Variants in ABTB3 observed in about 807,000 individuals in gnomAD.
ABTB3 encodes the protein ankyrin repeat- and BTB/POZ domain-containing protein 3.
the ABTB3 span, among the ~76,000 whole-genome samples, chr12:107,606,936 G>T: frequency 6.6e-6 from 1 of 152,102 alleles, no homozygotes. Context: ...ACTCTGGCCC[G>T]CCTCCCTCTG....
the ABTB3 span, among the ~76,000 whole-genome samples, chr12:107,434,879 AAAC>A: frequency 3.9e-4 from 60 of 152,050 alleles, no homozygotes; most frequent in Non-Finnish European, 7.5e-4. Context: ...GAAAAAAAAA[AAAC>A]AACAACAACA....
At chr12:107,598,503 T>A in the ABTB3 span, among the ~76,000 whole-genome samples, 1 of 152,246 alleles carries the variant, frequency 6.6e-6, no homozygotes, top group Admixed American at 6.5e-5. Context: ...CAGGTGATTC[T>A]ATATTACTAT....
the ABTB3 span, among the ~76,000 whole-genome samples, chr12:107,441,421 C>T: frequency 2.6e-5 from 4 of 151,948 alleles, no homozygotes; most frequent in East Asian, 1.9e-4. Context: ...GAGAACACAT[C>T]GACACAAGGA....
At chr12:107,643,770 T>TTTTTTG in the ABTB3 span, among the ~76,000 whole-genome samples, 12 of 140,294 alleles carry the variant, frequency 8.6e-5, 2 homozygotes, top group African/African-American at 3.0e-4. Context: ...TTTTTTTTTT[T>TTTTTTG]GTTGAGAGAG....
At chr12:107,482,803 C>A in the ABTB3 span, among the ~76,000 whole-genome samples, 1 of 150,520 alleles carries the variant, frequency 6.6e-6, no homozygotes, top group Non-Finnish European at 1.5e-5. Context: ...CCTTCTCTCT[C>A]TTTTTTTTTC....
At chr12:107,347,651 G>A in the ABTB3 span, among the ~76,000 whole-genome samples, 3 of 152,134 alleles carry the variant, frequency 2.0e-5, no homozygotes, top group Non-Finnish European at 2.9e-5. Context: ...AGAGTCAGGA[G>A]TTAGAAACTC....
chr12:107,613,499 T>C, the ABTB3 span, among the ~76,000 whole-genome samples: 1 of 152,168 alleles, frequency 6.6e-6, no homozygotes, highest in Admixed American at 6.5e-5. Context: ...GTTCAAGTTC[T>C]GATACCACCG....
chr12:107,444,920 G>T, the ABTB3 span, among the ~76,000 whole-genome samples: 1 of 152,144 alleles, frequency 6.6e-6, no homozygotes, highest in Non-Finnish European at 1.5e-5. Flanking sequence ...GAGTGCTCCA[G>T]AGAGAAGGAA....
chr12:107,466,970 A>G, the ABTB3 span, among the ~76,000 whole-genome samples: 3 of 152,314 alleles, frequency 2.0e-5, no homozygotes, highest in East Asian at 3.9e-4. Context: ...AGAATTTTGA[A>G]TCTGAAACAC....
chr12:107,381,604 T>C, the ABTB3 span, among the ~76,000 whole-genome samples: 1 of 152,204 alleles, frequency 6.6e-6, no homozygotes, highest in Admixed American at 6.5e-5. Context: ...TGGCAATGGA[T>C]GAGGCTGGAA....
chr12:107,499,776 C>T, the ABTB3 span, among the ~76,000 whole-genome samples: 2 of 151,838 alleles, frequency 1.3e-5, no homozygotes, highest in Non-Finnish European at 2.9e-5. Flanking sequence ...ACCTCTACCT[C>T]CCAGGTTCAA....
At chr12:107,372,619 G>A in the ABTB3 span, among the ~76,000 whole-genome samples, 1 of 152,118 alleles carries the variant, frequency 6.6e-6, no homozygotes, top group Non-Finnish European at 1.5e-5. Context: ...ACTGAGCTCA[G>A]CTGCGTGGAC....
the ABTB3 span, among the ~76,000 whole-genome samples, chr12:107,463,444 A>G: frequency 6.6e-6 from 1 of 152,130 alleles, no homozygotes; most frequent in Non-Finnish European, 1.5e-5. Context: ...TTAGCACTTT[A>G]TACACATTAT....
chr12:107,620,658 T>C, the ABTB3 span, among the ~76,000 whole-genome samples: 1 of 152,072 alleles, frequency 6.6e-6, no homozygotes. Flanking sequence ...CAGACCCTGC[T>C]GAGGTTTCTG....
chr12:107,433,275 C>T, the ABTB3 span, among the ~76,000 whole-genome samples: 4 of 113,432 alleles, frequency 3.5e-5, no homozygotes, highest in Non-Finnish European at 4.9e-5. Context: ...CCGGCCTGGG[C>T]GACAGAGCGA....
At chr12:107,326,689 C>T in the ABTB3 span, among the ~76,000 whole-genome samples, 2 of 152,170 alleles carry the variant, frequency 1.3e-5, no homozygotes, top group African/African-American at 4.8e-5. Context: ...TGGCACCTCA[C>T]CATGGTCCAG....
the ABTB3 span, among the ~76,000 whole-genome samples, chr12:107,522,649 G>A: frequency 1.3e-5 from 2 of 151,502 alleles, no homozygotes; most frequent in Non-Finnish European, 2.9e-5. Context: ...CCAGCACCAG[G>A]AATACTGCTT....
the ABTB3 span, chr12:107,319,711 G>T: frequency 6.5e-7 from 1 of 1,532,902 alleles, no homozygotes; most frequent in African/African-American, 1.4e-5. Context: ...CCTCCGGGGT[G>T]CCCCGGAGCT....
the ABTB3 span, among the ~76,000 whole-genome samples, chr12:107,377,401 G>C: frequency 7.7e-6 from 1 of 130,560 alleles, no homozygotes; most frequent in African/African-American, 3.0e-5. Flanking sequence ...GAGAGAGAGA[G>C]AGAGAGAGCA....
Sources: allele counts gnomAD v4.1 joint callset (sites outside exome capture counted in the v4.1 genomes callset), GRCh38; gene constraint gnomAD v4.1.1; transcripts MANE v1.5; gene names NCBI Gene and HGNC (gene_info 2026-07-23, HGNC 2026-07-21).